Variants in SCAF4 observed in about 807,000 individuals in gnomAD.
SCAF4 encodes the protein SR-related and CTD-associated factor 4.
In SCAF4, 25 loss-of-function variants were observed where a neutral mutation model predicts 129.8. That is an observed-to-expected ratio of 0.19 (90% CI 0.14 to 0.27). The LOEUF (loss-of-function observed/expected upper bound fraction) is 0.27. SCAF4 is among the 10% of genes least tolerant of loss of function. The pLI, the probability that SCAF4 is intolerant of heterozygous loss-of-function variation, is 1.00. For synonymous variants in SCAF4, 551 were observed against 497.7 expected, an observed-to-expected ratio of 1.11 and a Z score of -1.43; for missense variants, 1,246 against 1,457.1, an observed-to-expected ratio of 0.86 and a Z score of 2.36.
intron 1 of SCAF4, among the ~76,000 whole-genome samples, chr21:31,725,037 G>C (rs542978166): frequency 2.6e-4 from 39 of 152,188 alleles, no homozygotes; most frequent in Non-Finnish European, 4.4e-4. Flanking sequence ...CCTGGGTCAA[G>C]AAAGTAGAGA....
chr21:31,680,909 T>C (rs1293488917), intron 19 of SCAF4, among the ~76,000 whole-genome samples: 1 of 152,226 alleles, frequency 6.6e-6, no homozygotes, highest in Non-Finnish European at 1.5e-5. Flanking sequence ...GTTTCAGGGA[T>C]CATAACGATA....
chr21:31,712,180 G>A lies in SCAF4; in HGVS notation c.31-5823C>T, dbSNP rs567202778. ...CCAGGTAAGACATGGGCCCTCTACT[G>A]TTGCCAGTTCTGCTGAGTTTGATTC... On this transcript the variant is annotated intron_variant, in intron 1 of 19. Coordinates refer to ENST00000286835, the MANE Select transcript of SCAF4 (RefSeq NM_020706.2). Among the ~76,000 whole-genome samples, 4 of 149,152 alleles carry A rather than the reference G, an allele frequency of 2.7e-5. No homozygotes were observed. In the South Asian group the frequency reaches 8.5e-4, roughly 32 times the overall value.
intron 1 of SCAF4, among the ~76,000 whole-genome samples, chr21:31,728,557 G>A (rs568431104): frequency 2.0e-5 from 3 of 152,250 alleles, no homozygotes; most frequent in East Asian, 1.9e-4. Context: ...CCTTAGGGGA[G>A]TTACTATTTA....
rs188644846 is a variant in SCAF4, at chr21:31,680,402, A to C, written c.2488+4647T>G. ...CAAGGTTATATACTAAGTTGAAGGT[A>C]CTGTAATTCGTATTTAAGAACCATT... On this transcript the variant is annotated intron_variant, in intron 19 of 19. Transcript: ENST00000286835. 5.3e-5 allele frequency among the ~76,000 whole-genome samples: 8 copies of C among 152,340 alleles called. No homozygotes were observed. In the East Asian group the frequency reaches 1.5e-3, roughly 29 times the overall value.
chr21:31,686,337 T>A (rs1194170031), intron 16 of SCAF4, among the ~76,000 whole-genome samples: 1 of 152,186 alleles, frequency 6.6e-6, no homozygotes, highest in South Asian at 2.1e-4. Flanking sequence ...TAATACATTT[T>A]AAAATGTTCC....
chr21:31,679,210 CT>C lies in SCAF4; in HGVS notation c.2488+5838del, dbSNP rs1197787656. ...CAGTTCCACCGTTTTGATTTGATCT[CT>C]ACAGAATGAGTGTCACTGTGGCACT... On this transcript the variant is annotated intron_variant, in intron 19 of 19. Transcript: ENST00000286835. Among the ~76,000 whole-genome samples the C allele has an allele frequency of 5.9e-5, 9 of 152,296 alleles. No homozygotes were observed. The South Asian group carries it at 1.7e-3, about 28-fold the overall frequency.
chr21:31,688,498 C>T, intron 15 of SCAF4, 34 bp from the exon 16 acceptor site: 3 of 1,554,096 alleles, frequency 1.9e-6, no homozygotes, highest in African/African-American at 1.4e-5. Context: ...CAAGAGTTTA[C>T]CATTTTCAGT....
intron 1 of SCAF4, among the ~76,000 whole-genome samples, chr21:31,724,170 A>G (rs2051145390): frequency 6.6e-6 from 1 of 152,128 alleles, no homozygotes; most frequent in Non-Finnish European, 1.5e-5. Flanking sequence ...ATAAATTATA[A>G]TATTGTTTGT....
At chr21:31,689,755 C>A (rs117192763) in intron 15 of SCAF4, among the ~76,000 whole-genome samples, 5,062 of 150,676 alleles carry the variant, frequency 0.034, 128 homozygotes, top group Non-Finnish European at 0.047. Context: ...ATGGTGAAAC[C>A]CCTTCTCTAC....
intron 1 of SCAF4, among the ~76,000 whole-genome samples, chr21:31,729,727 T>C (rs1270109785): frequency 6.6e-6 from 1 of 152,214 alleles, no homozygotes; most frequent in Non-Finnish European, 1.5e-5. Context: ...TCATAAAGAC[T>C]AGGAATAGAA....
chr21:31,677,762 T>C (rs561062468), intron 19 of SCAF4, among the ~76,000 whole-genome samples: 6 of 152,162 alleles, frequency 3.9e-5, no homozygotes, highest in South Asian at 2.1e-4. Context: ...ACAGTATAGA[T>C]AGTGGTCAAA....
chr21:31,681,186 C>A (rs1161838252), intron 19 of SCAF4, among the ~76,000 whole-genome samples: 1 of 152,190 alleles, frequency 6.6e-6, no homozygotes, highest in African/African-American at 2.4e-5. Context: ...CCATCAGCTA[C>A]AGTAGTGTGA....
Position 31,696,163 on chromosome 21 carries a change from G to C in SCAF4, c.1018C>G (p.Gln340Glu). 2.5e-6 allele frequency: 4 copies of C among 1,613,886 alleles called. No individual in the cohort carries two copies. Among genetic ancestry groups the C allele is most frequent in the Non-Finnish European group, 3.4e-6 (4 of 1,179,934 alleles). The change falls in exon 9 of 20, where the codon CAG (glutamine) becomes GAG (glutamate). Residue 340 changes from glutamine (Q) to glutamate (E), a missense_variant. This residue lies in a region of SCAF4 where 236 missense variants were observed against 210.0 expected (regional missense o/e 1.12). Coordinates refer to ENST00000286835, the MANE Select transcript of SCAF4 (RefSeq NM_020706.2). ...ATTCCCATCATTCGTGGCTGAAACT[G>C]ATCCATATTTTGATGCTGTGTGTAT... Reference protein sequence around the residue: ...PAYTQHQNMDQFQPRMMGIQQ... With the variant: ...PAYTQHQNMDEFQPRMMGIQQ...
At chr21:31,692,257 C>A in intron 13 of SCAF4, 92 bp downstream of exon 13, 1 of 930,616 alleles carries the variant, frequency 1.1e-6, no homozygotes, top group South Asian at 1.4e-5. Context: ...TAAACCTGGG[C>A]AAATTGTAAC....
At chr21:31,683,190 G>A (rs530290048) in intron 19 of SCAF4, among the ~76,000 whole-genome samples, 3 of 152,292 alleles carry the variant, frequency 2.0e-5, no homozygotes, top group East Asian at 3.9e-4. Context: ...ACCCGCTCAT[G>A]TAACAAATGT....
intron 2 of SCAF4, among the ~76,000 whole-genome samples, 200 bp downstream of exon 2, chr21:31,706,074 C>G (rs1456047444): frequency 6.6e-6 from 1 of 152,160 alleles, no homozygotes; most frequent in Non-Finnish European, 1.5e-5. Flanking sequence ...TATCCCCCTA[C>G]CCCCACCAAA....
intron 9 of SCAF4, 141 bp from the exon 10 acceptor site, chr21:31,695,121 C>T (rs1315428062): frequency 5.9e-6 from 4 of 678,546 alleles, no homozygotes; most frequent in Non-Finnish European, 9.8e-6. Flanking sequence ...TAACAATTTC[C>T]ATATGTACAA....
rs1455163478 is a variant in SCAF4, at chr21:31,731,746, C to T, written c.-54G>A. 3 of 1,551,414 alleles carry T rather than the reference C, an allele frequency of 1.9e-6. No homozygotes were observed. Among genetic ancestry groups the T allele is most frequent in the Non-Finnish European group, 2.6e-6 (3 of 1,157,092 alleles). Reference sequence around the variant, plus strand: ...GCCCGCCGGTCACATAGACCTCGCGCCGCGGCGGAGCGGGGCTGGGAAACC... The same window carrying T: ...GCCCGCCGGTCACATAGACCTCGCGTCGCGGCGGAGCGGGGCTGGGAAACC... On this transcript the variant is annotated 5_prime_UTR_variant, in exon 1 of 20. Coordinates refer to ENST00000286835, the MANE Select transcript of SCAF4 (RefSeq NM_020706.2).
At chr21:31,715,861 CATA>C (rs2050909238) in intron 1 of SCAF4, among the ~76,000 whole-genome samples, 1 of 152,198 alleles carries the variant, frequency 6.6e-6, no homozygotes, top group Admixed American at 6.5e-5. Context: ...ATAATGCAAT[CATA>C]TACAATACCT....
Sources: allele counts gnomAD v4.1 joint callset (sites outside exome capture counted in the v4.1 genomes callset), GRCh38; gene constraint gnomAD v4.1.1; regional missense constraint gnomAD v4.1.1; transcripts MANE v1.5; gene names NCBI Gene and HGNC (gene_info 2026-07-23, HGNC 2026-07-21).